NMNAT2: variants seen among roughly 807,000 people sequenced by gnomAD.
The protein encoded by NMNAT2 is nicotinamide/nicotinic acid mononucleotide adenylyltransferase 2.
A neutral mutation model predicts 41.6 loss-of-function variants in NMNAT2; 11 were observed. That is an observed-to-expected ratio of 0.26 (90% confidence interval 0.17 to 0.44). NMNAT2 has a LOEUF of 0.44. Ranked by LOEUF, NMNAT2 falls within the 20% of genes least tolerant of loss-of-function variation. The pLI is 1.00. For synonymous variants in NMNAT2, 148 were observed against 151.2 expected, an observed-to-expected ratio of 0.98 and a Z score of 0.16; for missense variants, 288 against 407.7, an observed-to-expected ratio of 0.71 and a Z score of 2.53.
At chr1:183,395,229 A>C (rs929320729) in intron 1 of NMNAT2, among the ~76,000 whole-genome samples, 15 of 152,178 alleles carry the variant, frequency 9.9e-5, no homozygotes, top group Non-Finnish European at 1.9e-4. Flanking sequence ...ACTACATCTG[A>C]CCAGAGTTTA....
intron 1 of NMNAT2, among the ~76,000 whole-genome samples, chr1:183,319,309 A>G (rs1662313875): frequency 6.6e-6 from 1 of 152,256 alleles, no homozygotes; most frequent in Non-Finnish European, 1.5e-5. Flanking sequence ...GGAGGCATTT[A>G]CACACCAGTC....
intron 1 of NMNAT2, among the ~76,000 whole-genome samples, chr1:183,417,924 C>T (rs1040995383): frequency 1.3e-5 from 2 of 152,062 alleles, no homozygotes; most frequent in African/African-American, 4.8e-5. Context: ...CCAAATGATA[C>T]TCATCTCTAG....
chr1:183,403,630 G>A (rs906714166), intron 1 of NMNAT2, among the ~76,000 whole-genome samples: 4 of 152,180 alleles, frequency 2.6e-5, no homozygotes, highest in African/African-American at 9.7e-5. Flanking sequence ...AATTCCACAT[G>A]GAGAAGTTGT....
In NMNAT2 at chr1:183,249,754, G is replaced by A. The variant is rs200061246; in HGVS notation, c.*2887C>T. 6.6e-6 allele frequency: 1 copy of A among 151,536 alleles called. No homozygotes were observed. The highest frequency in any genetic ancestry group is 2.5e-5 in the African/African-American group (1 of 40,794). The allele number at this position is 151,536 out of a possible 1,614,324, so 9.4% of individuals were successfully genotyped here. On this transcript the variant is annotated 3_prime_UTR_variant, in exon 11 of 11. Transcript: ENST00000287713. ...GTGTTTGGGGGGTAGGGGGTGCGGC[G>A]ATGGGAATGGATGATTCTATCCAAA...
At chr1:183,340,857 C>T (rs1246026061) in intron 1 of NMNAT2, among the ~76,000 whole-genome samples, 5 of 152,174 alleles carry the variant, frequency 3.3e-5, no homozygotes, top group Non-Finnish European at 5.9e-5. Context: ...AAAAGCCCCA[C>T]CTAACAACCT....
intron 1 of NMNAT2, among the ~76,000 whole-genome samples, chr1:183,369,035 C>A (rs532228657): frequency 6.6e-6 from 1 of 152,276 alleles, no homozygotes; most frequent in East Asian, 1.9e-4. Context: ...GGCTGTGAGA[C>A]CCCTTCTCAC....
intron 3 of NMNAT2, among the ~76,000 whole-genome samples, chr1:183,291,169 G>A (rs895611428): frequency 2.6e-5 from 4 of 152,004 alleles, no homozygotes; most frequent in East Asian, 1.9e-4. Context: ...CGCCCACTTC[G>A]GCCTCCCAAA....
chr1:183,257,867 A>G (rs1558107078), intron 10 of NMNAT2, among the ~76,000 whole-genome samples: 1 of 150,392 alleles, frequency 6.6e-6, no homozygotes, highest in African/African-American at 2.5e-5. Flanking sequence ...TTTTGCTCTA[A>G]TCTTTATTAT....
intron 1 of NMNAT2, among the ~76,000 whole-genome samples, chr1:183,413,853 C>A (rs936045338): frequency 6.6e-6 from 1 of 152,066 alleles, no homozygotes; most frequent in Admixed American, 6.6e-5. Context: ...GTGATCCGCC[C>A]GCCTCGGCCT....
At chr1:183,275,101 G>T (rs1661089840) in intron 8 of NMNAT2, among the ~76,000 whole-genome samples, 1 of 152,152 alleles carries the variant, frequency 6.6e-6, no homozygotes, top group Non-Finnish European at 1.5e-5. Context: ...CTTGGACAGG[G>T]AAGATGTCTG....
chr1:183,344,846 A>G (rs778517431), intron 1 of NMNAT2, among the ~76,000 whole-genome samples: 2 of 152,194 alleles, frequency 1.3e-5, no homozygotes, highest in African/African-American at 2.4e-5. Flanking sequence ...CTTTTCCACT[A>G]CCACATAGTT....
intron 1 of NMNAT2, among the ~76,000 whole-genome samples, chr1:183,379,528 G>A (rs573128755): frequency 1.1e-4 from 17 of 152,174 alleles, no homozygotes; most frequent in African/African-American, 4.1e-4. Context: ...AAAAGTAAAA[G>A]GTTGGAGAAA....
intron 5 of NMNAT2, among the ~76,000 whole-genome samples, 166 bp downstream of exon 5, chr1:183,286,496 T>C (rs1661401825): frequency 6.6e-6 from 1 of 152,186 alleles, no homozygotes; most frequent in African/African-American, 2.4e-5. Context: ...CCTCAAAGTA[T>C]TGTCTCTGGA....
chr1:183,283,597 C>T, intron 7 of NMNAT2: 4 of 319,618 alleles, frequency 1.3e-5, no homozygotes, highest in Non-Finnish European at 2.4e-5. Flanking sequence ...CTTTCAGTCC[C>T]CTCTCTGTTT....
At chr1:183,255,298 A>G (rs1249455702) in intron 10 of NMNAT2, among the ~76,000 whole-genome samples, 1 of 152,192 alleles carries the variant, frequency 6.6e-6, no homozygotes, top group Non-Finnish European at 1.5e-5. Flanking sequence ...TGCCAGTACC[A>G]TACTGTTTTG....
chr1:183,378,499 G>A (rs547219342), intron 1 of NMNAT2, among the ~76,000 whole-genome samples: 4 of 151,928 alleles, frequency 2.6e-5, no homozygotes, highest in Non-Finnish European at 2.9e-5. Context: ...AGGTTGCAGC[G>A]AGCCAAGATC....
intron 1 of NMNAT2, among the ~76,000 whole-genome samples, chr1:183,395,176 T>C (rs552334740): frequency 2.2e-4 from 34 of 152,308 alleles, no homozygotes; most frequent in Admixed American, 2.0e-3. Context: ...TGTGAAAGGA[T>C]AGGCTATAAC....
At chr1:183,375,366 C>T (rs1663653299) in intron 1 of NMNAT2, among the ~76,000 whole-genome samples, 1 of 152,228 alleles carries the variant, frequency 6.6e-6, no homozygotes, top group Non-Finnish European at 1.5e-5. Context: ...TTCTACTCCA[C>T]TGTCCCCCAA....
chr1:183,270,644 C>CA (rs1238894131), intron 8 of NMNAT2, among the ~76,000 whole-genome samples: 5 of 152,160 alleles, frequency 3.3e-5, no homozygotes, highest in Non-Finnish European at 7.4e-5. Flanking sequence ...ATTCCAGACT[C>CA]AAGTCAACAG....
Sources: allele counts gnomAD v4.1 joint callset (sites outside exome capture counted in the v4.1 genomes callset), GRCh38; gene constraint gnomAD v4.1.1; transcripts MANE v1.5; gene names NCBI Gene and HGNC (gene_info 2026-07-23, HGNC 2026-07-21).